STX6: variants seen among roughly 807,000 people sequenced by gnomAD.
The protein encoded by STX6 is syntaxin-6.
In STX6, 23 loss-of-function variants were observed where a neutral mutation model predicts 38.0. The ratio of observed to expected loss-of-function variants is 0.60; its 90% CI spans 0.43 to 0.86. The LOEUF (loss-of-function observed/expected upper bound fraction) is 0.86. Ranked by LOEUF, STX6 falls within the 40% of genes least tolerant of loss-of-function variation. The pLI, the probability that STX6 is intolerant of heterozygous loss-of-function variation, is 0.00. For synonymous variants in STX6, 123 were observed against 107.5 expected, an observed-to-expected ratio of 1.14 and a Z score of -0.89; for missense variants, 274 against 312.9, an observed-to-expected ratio of 0.88 and a Z score of 0.94.
intron 2 of STX6, 77 bp downstream of exon 2, chr1:181,005,217 T>TA: frequency 6.5e-7 from 1 of 1,543,742 alleles, no homozygotes. Flanking sequence ...TTCATCTACA[T>TA]ACTGGAAACA....
chr1:180,987,255 T>C lies in STX6; in HGVS notation c.596+984A>G, dbSNP rs542625921. Among the ~76,000 whole-genome samples, 15 of 152,294 alleles carry C rather than the reference T, an allele frequency of 9.8e-5. No homozygotes were observed. The South Asian group carries it at 3.1e-3, about 32-fold the overall frequency. On this transcript the variant is annotated intron_variant, in intron 6 of 7. Coordinates refer to ENST00000258301, the MANE Select transcript of STX6 (RefSeq NM_005819.6). ...CACACCAACTCTCACCTCACCTGGC[T>C]AGCATCCACACATCCTTCAGATTTC... is the stretch of plus-strand genomic sequence containing the variant.
intron 7 of STX6, among the ~76,000 whole-genome samples, chr1:180,982,691 T>C (rs1251730388): frequency 6.6e-6 from 1 of 152,222 alleles, no homozygotes. Flanking sequence ...ACTACATACA[T>C]GAGTGAGAGG....
intron 7 of STX6, among the ~76,000 whole-genome samples, chr1:180,977,330 G>A (rs539187748): frequency 2.6e-5 from 4 of 152,360 alleles, no homozygotes; most frequent in Admixed American, 2.6e-4. Flanking sequence ...CCAAATGGCT[G>A]AGAGCAGGGA....
chr1:181,012,677 T>C (rs1360810196), intron 1 of STX6, among the ~76,000 whole-genome samples: 5 of 150,426 alleles, frequency 3.3e-5, no homozygotes, highest in Admixed American at 3.3e-4. Context: ...CCATTCTTTT[T>C]TTTTTTTTTT....
chr1:180,990,197 T>C, intron 4 of STX6, 88 bp from the exon 5 acceptor site: 2 of 1,523,930 alleles, frequency 1.3e-6, no homozygotes, highest in Non-Finnish European at 1.8e-6. Flanking sequence ...ATATAAAGAG[T>C]TTTCACATTT....
intron 1 of STX6, among the ~76,000 whole-genome samples, chr1:181,009,943 T>C (rs1656345445): frequency 6.6e-6 from 1 of 152,214 alleles, no homozygotes; most frequent in Admixed American, 6.5e-5. Context: ...GAATCTCAAA[T>C]GCATTAGGCT....
intron 2 of STX6, among the ~76,000 whole-genome samples, chr1:181,004,902 G>A (rs907011541): frequency 4.0e-5 from 6 of 150,932 alleles, no homozygotes; most frequent in Non-Finnish European, 8.8e-5. Context: ...CAAGTAGACA[G>A]TGTCAGAAAT....
At chr1:180,990,953 G>GT (rs1655741001) in intron 4 of STX6, among the ~76,000 whole-genome samples, 1 of 152,196 alleles carries the variant, frequency 6.6e-6, no homozygotes, top group African/African-American at 2.4e-5. Context: ...ACTGGTCAAA[G>GT]TAACTGCTCA....
At chr1:180,977,409 C>T (rs760878088) in intron 7 of STX6, among the ~76,000 whole-genome samples, 15 of 152,244 alleles carry the variant, frequency 9.9e-5, no homozygotes, top group Non-Finnish European at 2.2e-4. Flanking sequence ...ATCCTGTGGT[C>T]CCAACTCTAC....
At chr1:180,988,520 T>C (rs916334166) in intron 5 of STX6, 175 bp from the exon 6 acceptor site, 1 of 556,646 alleles carries the variant, frequency 1.8e-6, no homozygotes, top group Non-Finnish European at 3.2e-6. Flanking sequence ...CTCAAAAGGC[T>C]GGATTGTTAA....
intron 3 of STX6, among the ~76,000 whole-genome samples, chr1:180,994,436 T>G (rs915759832): frequency 6.6e-6 from 1 of 152,222 alleles, no homozygotes; most frequent in Non-Finnish European, 1.5e-5. Flanking sequence ...CATACAGCAG[T>G]GAATGATACT....
intron 7 of STX6, among the ~76,000 whole-genome samples, chr1:180,982,991 T>C (rs940662383): frequency 6.6e-6 from 1 of 152,190 alleles, no homozygotes; most frequent in Non-Finnish European, 1.5e-5. Context: ...ATGTAATAGG[T>C]CCATTGCGCC....
At chr1:181,009,222 G>A (rs1322353264) in intron 1 of STX6, among the ~76,000 whole-genome samples, 2 of 152,034 alleles carry the variant, frequency 1.3e-5, no homozygotes, top group African/African-American at 2.4e-5. Context: ...ATCACAGCAT[G>A]TTGGGAGGCC....
chr1:180,980,035 T>C (rs1024016213), intron 7 of STX6, among the ~76,000 whole-genome samples: 2 of 152,022 alleles, frequency 1.3e-5, no homozygotes, highest in African/African-American at 2.4e-5. Flanking sequence ...GGTGAAACCC[T>C]GTCTCTACTA....
At chr1:180,976,693 C>A in intron 7 of STX6, 47 bp from the exon 8 acceptor site, 1 of 1,550,888 alleles carries the variant, frequency 6.4e-7, no homozygotes, top group Non-Finnish European at 8.9e-7. Context: ...ACTCCACATT[C>A]CCCAAGATAC....
At chr1:181,010,731 G>C (rs1656367668) in intron 1 of STX6, among the ~76,000 whole-genome samples, 1 of 152,138 alleles carries the variant, frequency 6.6e-6, no homozygotes, top group African/African-American at 2.4e-5. Flanking sequence ...AAGGCACCAG[G>C]AGTTTTAGCC....
intron 7 of STX6, among the ~76,000 whole-genome samples, chr1:180,976,918 G>A (rs553434739): frequency 6.6e-6 from 1 of 152,112 alleles, no homozygotes; most frequent in Admixed American, 6.6e-5. Flanking sequence ...TAAAATCTGC[G>A]GATCTTAGCT....
rs759336543 is a variant in STX6 at position 181,002,596 on chromosome 1, T to C, written c.300+10A>G. The C allele has an allele frequency of 5.0e-6, 8 of 1,592,276 alleles. No individual in the cohort carries two copies. In the South Asian group the frequency reaches 8.8e-5, roughly 18 times the overall value. On this transcript the variant is annotated intron_variant, in intron 3 of 7. Coordinates refer to ENST00000258301, the MANE Select transcript of STX6 (RefSeq NM_005819.6). ...TTATACAGATAACACAATAAGATCA[T>C]ATTCCTTACCCTGACAACTTGCCGA... is the stretch of plus-strand genomic sequence containing the variant.
chr1:181,012,749 A>G (rs1163395494), intron 1 of STX6, among the ~76,000 whole-genome samples: 1 of 143,436 alleles, frequency 7.0e-6, no homozygotes, highest in Admixed American at 7.4e-5. Context: ...ATCTCAGCTC[A>G]CCACAACCTC....
Sources: gnomAD v4.1 joint callset for allele counts (sites outside exome capture counted in the v4.1 genomes callset) on GRCh38, gnomAD v4.1.1 for gene constraint, MANE v1.5 for transcripts, NCBI Gene and HGNC (gene_info 2026-07-23, HGNC 2026-07-21) for gene names.